CMSS1: variants seen among roughly 807,000 people sequenced by gnomAD.
The protein encoded by CMSS1 is cms1 ribosomal small subunit homolog.
CMSS1 carries 33 observed loss-of-function variants against 43.5 expected under a neutral mutation model. The ratio of observed to expected loss-of-function variants is 0.76; its 90% CI spans 0.57 to 1.01. The LOEUF is 1.01. CMSS1 is among the 50% of genes least tolerant of loss of function. The probability of loss-of-function intolerance (pLI) is 0.00; values close to 1 mark genes in which losing one functional copy is unlikely to be tolerated. For synonymous variants in CMSS1, 115 were observed against 117.2 expected, an observed-to-expected ratio of 0.98 and a Z score of 0.12; for missense variants, 313 against 326.4, an observed-to-expected ratio of 0.96 and a Z score of 0.32.
rs933729118 is a variant in CMSS1 at position 100,069,786 on chromosome 3, T to C, written c.65-77187T>C. ...TTTGTGGTAAGAGGAGGTGGCAGAA[T>C]GGAGGGCCAGTCTATTTGTGAGGGC... is the stretch of plus-strand genomic sequence containing the variant. On this transcript the variant is annotated intron_variant, in intron 1 of 9. Transcript: ENST00000421999. 1.3e-5 allele frequency among the ~76,000 whole-genome samples: 2 copies of C among 152,148 alleles called. 1 individual carries two copies. Among genetic ancestry groups the C allele is most frequent in the Admixed American group, 1.3e-4 (2 of 15,272 alleles).
At chr3:99,944,707 T>G (rs1194326563) in intron 1 of CMSS1, among the ~76,000 whole-genome samples, 1 of 152,234 alleles carries the variant, frequency 6.6e-6, no homozygotes, top group Non-Finnish European at 1.5e-5. Flanking sequence ...AAGCCTACTT[T>G]CTAATGCCTG....
chr3:99,906,601 A>G (rs1160587893), intron 1 of CMSS1, among the ~76,000 whole-genome samples: 1 of 152,226 alleles, frequency 6.6e-6, no homozygotes, highest in South Asian at 2.1e-4. Flanking sequence ...AACTTCTTCA[A>G]GGTCATGAAG....
intron 1 of CMSS1, among the ~76,000 whole-genome samples, chr3:100,060,882 C>A (rs1470194397): frequency 2.6e-5 from 4 of 151,990 alleles, no homozygotes; most frequent in African/African-American, 7.2e-5. Flanking sequence ...AAATAAAAAA[C>A]AAATAGGGCA....
intron 9 of CMSS1, 63 bp downstream of exon 9, chr3:100,176,478 A>G: frequency 9.4e-7 from 1 of 1,059,110 alleles, no homozygotes; most frequent in Non-Finnish European, 1.4e-6. Flanking sequence ...GTTCAAACAC[A>G]GTAATAAAGT....
intron 1 of CMSS1, among the ~76,000 whole-genome samples, chr3:99,853,341 G>T (rs1309585607): frequency 2.6e-5 from 4 of 152,168 alleles, no homozygotes; most frequent in Non-Finnish European, 5.9e-5. Flanking sequence ...TTTTATTAGA[G>T]AACAGTTTCA....
chr3:99,946,758 C>A (rs956131013), intron 1 of CMSS1, among the ~76,000 whole-genome samples: 3 of 152,058 alleles, frequency 2.0e-5, no homozygotes, highest in Admixed American at 6.6e-5. Context: ...TTATTTTTAG[C>A]CTTTAGTAGG....
chr3:99,879,184 G>T (rs754527439), intron 1 of CMSS1, among the ~76,000 whole-genome samples: 1 of 152,288 alleles, frequency 6.6e-6, no homozygotes, highest in Non-Finnish European at 1.5e-5. Flanking sequence ...ATTTAGAAAT[G>T]ATACAAAGAA....
intron 1 of CMSS1, among the ~76,000 whole-genome samples, chr3:100,056,537 C>T (rs1199467603): frequency 1.3e-5 from 2 of 152,138 alleles, no homozygotes; most frequent in Non-Finnish European, 2.9e-5. Context: ...TTTTAGCCTC[C>T]AGGTCAGAAA....
At chr3:100,158,974 A>G (rs1008650848) in intron 2 of CMSS1, among the ~76,000 whole-genome samples, 6 of 152,246 alleles carry the variant, frequency 3.9e-5, no homozygotes, top group African/African-American at 1.4e-4. Flanking sequence ...AGTATAGTTT[A>G]AGGGATCTGC....
intron 1 of CMSS1, among the ~76,000 whole-genome samples, chr3:99,916,672 CCAAGGT>C (rs1234824719): frequency 6.6e-6 from 1 of 152,004 alleles, no homozygotes; most frequent in Non-Finnish European, 1.5e-5. Context: ...AATGCTTTGC[CCAAGGT>C]CAAATAGCCA....
At chr3:99,949,958 CATTA>C (rs1025101265) in intron 1 of CMSS1, among the ~76,000 whole-genome samples, 5 of 152,128 alleles carry the variant, frequency 3.3e-5, no homozygotes, top group Non-Finnish European at 7.4e-5. Context: ...TCTTGGATAT[CATTA>C]ATTATTTCCC....
intron 1 of CMSS1, among the ~76,000 whole-genome samples, chr3:100,035,320 C>G (rs962178565): frequency 6.6e-6 from 1 of 152,180 alleles, no homozygotes; most frequent in Non-Finnish European, 1.5e-5. Context: ...GTCACCCAGG[C>G]TGGAGTTCAA....
intron 1 of CMSS1, among the ~76,000 whole-genome samples, chr3:100,081,231 G>T (rs141554636): frequency 0.012 from 1,830 of 152,208 alleles, 24 homozygotes; most frequent in African/African-American, 0.027. Context: ...ATCTTCACAT[G>T]TTCAAGAGAT....
chr3:99,824,809 T>C (rs543367165), intron 1 of CMSS1, among the ~76,000 whole-genome samples: 53 of 152,370 alleles, frequency 3.5e-4, no homozygotes, highest in African/African-American at 1.1e-3. Context: ...TAAATAAGCC[T>C]GTAATTTTTA....
chr3:100,168,045 A>G (rs958666457), intron 6 of CMSS1, among the ~76,000 whole-genome samples: 2 of 152,224 alleles, frequency 1.3e-5, no homozygotes, highest in Non-Finnish European at 2.9e-5. Flanking sequence ...TTATGTAAGG[A>G]AAAAATAAAG....
intron 1 of CMSS1, among the ~76,000 whole-genome samples, chr3:100,029,593 C>A (rs1234398893): frequency 6.6e-6 from 1 of 152,068 alleles, no homozygotes; most frequent in Non-Finnish European, 1.5e-5. Context: ...AAGGTTTATT[C>A]CAGCCTAAAT....
At chr3:99,942,322 A>C (rs1707874458) in intron 1 of CMSS1, among the ~76,000 whole-genome samples, 1 of 152,212 alleles carries the variant, frequency 6.6e-6, no homozygotes, top group Non-Finnish European at 1.5e-5. Flanking sequence ...GTGAAATGAC[A>C]TGTTCTCCTG....
chr3:99,928,793 G>T (rs1427736807), intron 1 of CMSS1, among the ~76,000 whole-genome samples: 2 of 152,146 alleles, frequency 1.3e-5, no homozygotes, highest in African/African-American at 4.8e-5. Context: ...TGGGAGCCAG[G>T]ATACAGTTTT....
Position 100,172,355 on chromosome 3 carries a change from C to T in CMSS1, c.619C>T (p.His207Tyr), listed in dbSNP as rs1225647718. The T allele has an allele frequency of 6.2e-7, 1 of 1,613,846 alleles. No homozygotes were observed. Among genetic ancestry groups the T allele is most frequent in the East Asian group, 2.2e-5 (1 of 44,880 alleles). ...QVKLLEKRVVHLGVGTPGRIK... is the reference protein window; with the variant it reads ...QVKLLEKRVVYLGVGTPGRIK... Reference sequence around the variant, plus strand: ...AAAGTTGCTGGAGAAGCGTGTGGTGCACCTGGGTGTAGGAACTCCGGGGAG... The same window carrying T: ...AAAGTTGCTGGAGAAGCGTGTGGTGTACCTGGGTGTAGGAACTCCGGGGAG... The change falls in exon 8 of 10, where the codon CAC (histidine) becomes TAC (tyrosine). Residue 207 changes from histidine (H) to tyrosine (Y), a missense_variant. By Grantham distance (83) the His-to-Tyr change is moderately conservative. Coordinates refer to ENST00000421999, the MANE Select transcript of CMSS1 (RefSeq NM_032359.4).
Sources: gnomAD v4.1 joint callset for allele counts (sites outside exome capture counted in the v4.1 genomes callset) on GRCh38, gnomAD v4.1.1 for gene constraint, MANE v1.5 for transcripts, NCBI Gene and HGNC (gene_info 2026-07-23, HGNC 2026-07-21) for gene names.